ANK3: variants seen among roughly 807,000 people sequenced by gnomAD.
ANK3 encodes ankyrin-3.
ANK3 carries 57 observed loss-of-function variants against 370.9 expected under a neutral mutation model. The ratio of observed to expected loss-of-function variants is 0.15; its 90% confidence interval spans 0.12 to 0.19. The LOEUF (loss-of-function observed/expected upper bound fraction) is 0.19, where lower values mean the gene tolerates loss of function less well. ANK3 is among the 10% of genes least tolerant of loss of function. The pLI is 1.00. For missense variants in ANK3, 4,439 were observed against 5,302.1 expected (o/e 0.84, Z 5.06); for synonymous variants, 1,929 against 1,946.3 (o/e 0.99, Z 0.23).
Position 60,162,406 on chromosome 10 carries a change from T to C in ANK3, c.2614+4185A>G, listed in dbSNP as rs189667194. On this transcript the variant is annotated intron_variant, in intron 23 of 43. Coordinates refer to ENST00000280772, the MANE Select transcript of ANK3 (RefSeq NM_020987.5). ...TTGGAAAGACCATTCAATGTGTATT[T>C]GGGCTTTCCTACCTCATCAGTGTAA... Among the ~76,000 whole-genome samples, 283 of 152,282 alleles carry C rather than the reference T, an allele frequency of 1.9e-3. 2 individuals are homozygous for C. Among genetic ancestry groups the C allele is most frequent in the Non-Finnish European group, 2.9e-3 (196 of 68,018 alleles).
At position 60,163,747 on chromosome 10, in the gene ANK3, T is replaced by G. The variant is rs564141623; in HGVS notation, c.2614+2844A>C. ...TTTTAAATATCTACTTACAGCAGAT[T>G]ATTTTTAGAATCAGATTAAAATTTT... is the stretch of plus-strand genomic sequence containing the variant. On this transcript the variant is annotated intron_variant, in intron 23 of 43. Coordinates refer to ENST00000280772, the MANE Select transcript of ANK3 (RefSeq NM_020987.5). Among the ~76,000 whole-genome samples the G allele has an allele frequency of 5.1e-4, 77 of 152,346 alleles. No homozygotes were observed. In the South Asian group the frequency reaches 7.9e-3, roughly 16 times the overall value.
intron 8 of ANK3, among the ~76,000 whole-genome samples, chr10:60,225,360 C>A (rs1466127560): frequency 6.6e-6 from 1 of 152,040 alleles, no homozygotes; most frequent in Non-Finnish European, 1.5e-5. Context: ...TAATTGTGAT[C>A]TTATTTAATC....
chr10:60,283,737 A>C (rs2098201063), intron 1 of ANK3, among the ~76,000 whole-genome samples: 1 of 152,128 alleles, frequency 6.6e-6, no homozygotes, highest in African/African-American at 2.4e-5. Context: ...CGGCAGTGGA[A>C]TATTGATATT....
chr10:60,089,710 A>G (rs750926296), intron 28 of ANK3, among the ~76,000 whole-genome samples: 3 of 152,182 alleles, frequency 2.0e-5, no homozygotes, highest in Non-Finnish European at 4.4e-5. Context: ...AAACACACAC[A>G]TATAGAAATA....
chr10:60,699,231 C>A (rs2079513246), intron 1 of ANK3, among the ~76,000 whole-genome samples: 1 of 151,712 alleles, frequency 6.6e-6, no homozygotes, highest in Non-Finnish European at 1.5e-5. Context: ...CACTAAAGAA[C>A]TTATTCATGT....
chr10:60,064,301 AAGAG>A lies in ANK3; in HGVS notation c.12320-17_12320-14del, dbSNP rs1375068305. The A allele has an allele frequency of 6.4e-7, 1 of 1,558,734 alleles. No individual in the cohort carries two copies. The highest frequency in any genetic ancestry group is 1.2e-5 in the South Asian group (1 of 80,560). Reference sequence around the variant, plus strand: ...TCCCTTGCCAGTTCTGTAGAAAAGAAAGAGAGTTACTAAGATTGCATATTCTACT... The same window carrying A: ...TCCCTTGCCAGTTCTGTAGAAAAGAAAGTTACTAAGATTGCATATTCTACT... On this transcript the variant is annotated splice_polypyrimidine_tract_variant and intron_variant, in intron 38 of 43. Coordinates refer to ENST00000280772, the MANE Select transcript of ANK3 (RefSeq NM_020987.5).
At chr10:60,606,220 G>A (rs1036872807) in intron 2 of ANK3, among the ~76,000 whole-genome samples, 2 of 152,024 alleles carry the variant, frequency 1.3e-5, no homozygotes, top group African/African-American at 4.8e-5. Flanking sequence ...GTTTTTCGAT[G>A]CTGAATTAGA....
At chr10:60,668,748 C>T (rs2079029637) in intron 1 of ANK3, among the ~76,000 whole-genome samples, 1 of 152,114 alleles carries the variant, frequency 6.6e-6, no homozygotes, top group South Asian at 2.1e-4. Flanking sequence ...AATCCCAGCA[C>T]TTTGGGAGGC....
In ANK3 at chr10:60,411,820, T is replaced by A. The variant is rs376975248; in HGVS notation, c.97-132181A>T. Reference sequence around the variant, plus strand: ...ATATAGAAGAAAGTACTCATGAGATTTTGAAATGAAAGAGTATTTATAAAG... The same window carrying A: ...ATATAGAAGAAAGTACTCATGAGATATTGAAATGAAAGAGTATTTATAAAG... On this transcript the variant is annotated intron_variant, in intron 2 of 43. Transcript: ENST00000373827. Among the ~76,000 whole-genome samples, 5 of 152,244 alleles carry A rather than the reference T, an allele frequency of 3.3e-5. No homozygotes were observed. In the East Asian group the frequency reaches 9.6e-4, roughly 29 times the overall value.
chr10:60,040,868 T>G (rs759374731), intron 43 of ANK3, among the ~76,000 whole-genome samples: 61 of 152,180 alleles, frequency 4.0e-4, no homozygotes, highest in Non-Finnish European at 7.5e-4. Flanking sequence ...CTTTTCTACT[T>G]TCGTTTCATT....
intron 2 of ANK3, among the ~76,000 whole-genome samples, chr10:60,457,090 A>G (rs534506877): frequency 2.0e-5 from 3 of 152,210 alleles, no homozygotes; most frequent in Non-Finnish European, 4.4e-5. Flanking sequence ...GGCCTGTAAG[A>G]CAGCCTTAAG....
chr10:60,501,720 A>G (rs562884712), intron 2 of ANK3, among the ~76,000 whole-genome samples: 2 of 151,674 alleles, frequency 1.3e-5, no homozygotes, highest in African/African-American at 4.8e-5. Context: ...AAAAAAAAAA[A>G]AAAGAAAAGA....
At chr10:60,544,452 G>A (rs566416970) in intron 2 of ANK3, among the ~76,000 whole-genome samples, 6 of 152,168 alleles carry the variant, frequency 3.9e-5, no homozygotes, top group South Asian at 2.1e-4. Flanking sequence ...GCTTTCTTCA[G>A]TACCTCATTT....
intron 1 of ANK3, among the ~76,000 whole-genome samples, chr10:60,336,862 TC>T (rs1174452148): frequency 1.3e-5 from 2 of 152,100 alleles, no homozygotes; most frequent in African/African-American, 2.4e-5. Flanking sequence ...GAAGGACTCG[TC>T]CCTCGGACCA....
At chr10:60,183,750 C>T (rs1344389362) in intron 17 of ANK3, among the ~76,000 whole-genome samples, 2 of 151,440 alleles carry the variant, frequency 1.3e-5, no homozygotes, top group African/African-American at 2.4e-5. Context: ...CCCAGCTACT[C>T]GGGAGGCTGA....
chr10:60,426,939 T>C (rs1394678631), intron 2 of ANK3, among the ~76,000 whole-genome samples: 2 of 152,126 alleles, frequency 1.3e-5, no homozygotes, highest in Non-Finnish European at 2.9e-5. Flanking sequence ...TGAGACTCAA[T>C]GGCAGTGAAC....
rs142778119 is a variant in ANK3 at position 60,055,638 on chromosome 10, C to T, written c.13065+20G>A. The T allele has an allele frequency of 8.5e-4, 1,336 of 1,578,694 alleles. 9 individuals are homozygous for T. The African/African-American group carries it at 0.015, about 18-fold the overall frequency. On this transcript the variant is annotated intron_variant, in intron 42 of 43. Transcript: ENST00000280772. ...TACTTTCCATTTCAATGACTGCTAC[C>T]GGATGACCAGATGACGTACCTTTTG... is the stretch of plus-strand genomic sequence containing the variant.
chr10:60,193,950 G>A (rs550840719), intron 16 of ANK3, among the ~76,000 whole-genome samples: 5 of 152,016 alleles, frequency 3.3e-5, no homozygotes, highest in African/African-American at 1.2e-4. Context: ...GTGAAACCCT[G>A]TCTCTACTGA....
chr10:60,196,574 C>T lies in ANK3; in HGVS notation c.1741G>A (p.Ala581Thr), dbSNP rs140324936. The change falls in exon 15 of 44, where the codon GCC (alanine) becomes ACC (threonine). Residue 581 changes from alanine (A) to threonine (T), a missense_variant. By Grantham distance (58) the Ala-to-Thr change is moderately conservative. Around this residue, in one of 13 missense-constraint regions of ANK3, gnomAD observed 192 missense variants for 192.1 expected, o/e 1.00. Transcript: ENST00000280772. ...GCACTTTTCTGTAGCAGGAGATTGG[C>T]GACTTCAAGCTTTCCATATTTTGCT... ...VAAKYGKLEVANLLLQKSASP... is the reference protein window; with the variant it reads ...VAAKYGKLEVTNLLLQKSASP... The T allele has an allele frequency of 1.6e-5, 25 of 1,612,068 alleles. No individual in the cohort carries two copies. Among genetic ancestry groups the T allele is most frequent in the Admixed American group, 6.7e-5 (4 of 59,834 alleles).
Sources: gnomAD v4.1 joint callset for allele counts (sites outside exome capture counted in the v4.1 genomes callset) on GRCh38, gnomAD v4.1.1 for gene constraint, gnomAD v4.1.1 regional missense constraint, MANE v1.5 for transcripts, NCBI Gene and HGNC (gene_info 2026-07-23, HGNC 2026-07-21) for gene names.